The following TANGO6 variants were observed in gnomAD, a reference collection of about 807,000 sequenced individuals.
TANGO6 encodes transport and Golgi organization protein 6 homolog.
Under a neutral mutation model 114.2 loss-of-function variants are expected in TANGO6, and 90 were observed. The observed-to-expected ratio is 0.79, with a 90% CI of 0.66 to 0.94. The LOEUF (loss-of-function observed/expected upper bound fraction) is 0.94, where lower values mean the gene tolerates loss of function less well. Among genes scored for constraint, TANGO6 ranks in the 40% least tolerant of loss-of-function variants. TANGO6 has a pLI of 0.00. For missense variants in TANGO6, 1,274 were observed against 1,315.3 expected (o/e 0.97, Z 0.49); for synonymous variants, 477 against 509.8 (o/e 0.94, Z 0.87).
At chr16:68,875,396 A>C (rs1307778434) in intron 5 of TANGO6, 106 bp downstream of exon 5, 54 of 1,337,564 alleles carry the variant, frequency 4.0e-5, no homozygotes, top group Non-Finnish European at 5.3e-5. Flanking sequence ...TATAATATTT[A>C]AGTTTATTGT....
At chr16:69,065,816 G>C (rs1960206587) in intron 17 of TANGO6, among the ~76,000 whole-genome samples, 1 of 152,240 alleles carries the variant, frequency 6.6e-6, no homozygotes, top group African/African-American at 2.4e-5. Flanking sequence ...GTTTGAATTG[G>C]CCCTAATTTC....
chr16:68,931,343 G>A (rs1172015833), intron 14 of TANGO6, among the ~76,000 whole-genome samples: 1 of 152,160 alleles, frequency 6.6e-6, no homozygotes, highest in Non-Finnish European at 1.5e-5. Context: ...AACCAGTCTG[G>A]CAGTTCCTCG....
rs1192562840 is a variant in TANGO6, at chr16:68,892,072, A to G, written c.1378-8362A>G. The stretch of plus-strand genomic sequence containing the variant: ...CTTTGTTCATTTATTCTTTGATTCA[A>G]TCAGTCACAGAAACATTTATCAGGT... On this transcript the variant is annotated intron_variant, in intron 7 of 17. Transcript: ENST00000261778. 3.3e-5 allele frequency among the ~76,000 whole-genome samples: 5 copies of G among 152,250 alleles called. No homozygotes were observed. In the East Asian group the frequency reaches 5.8e-4, roughly 18 times the overall value.
At chr16:68,956,433 A>G (rs1791717978) in intron 14 of TANGO6, among the ~76,000 whole-genome samples, 2 of 152,174 alleles carry the variant, frequency 1.3e-5, no homozygotes, top group South Asian at 2.1e-4. Context: ...GCCCTCCAAC[A>G]TTAAGCTTAG....
chr16:69,027,144 G>C (rs1959515225), intron 16 of TANGO6, among the ~76,000 whole-genome samples: 1 of 152,320 alleles, frequency 6.6e-6, no homozygotes, highest in Non-Finnish European at 1.5e-5. Flanking sequence ...TTACAGGCAT[G>C]AGCCACCGCG....
At position 69,066,992 on chromosome 16, in the gene TANGO6, G is replaced by A. The variant is rs1159659136; in HGVS notation, c.3109-16493G>A. Among the ~76,000 whole-genome samples, 11 of 152,252 alleles carry A rather than the reference G, an allele frequency of 7.2e-5. No homozygotes were observed. The East Asian group carries it at 1.9e-3, about 27-fold the overall frequency. On this transcript the variant is annotated intron_variant, in intron 17 of 17. Coordinates refer to ENST00000261778, the MANE Select transcript of TANGO6 (RefSeq NM_024562.2). The stretch of plus-strand genomic sequence containing the variant: ...GCTCAGTATAGCCTCAACCACCCAG[G>A]CTCAAGTGATCTTCCCTCCTCAGCT...
chr16:68,871,085 C>G (rs1962260444), intron 4 of TANGO6, among the ~76,000 whole-genome samples: 1 of 151,990 alleles, frequency 6.6e-6, no homozygotes, highest in African/African-American at 2.4e-5. Flanking sequence ...GCCACCGCAC[C>G]CGGCCTGGCA....
chr16:68,947,028 A>AAT (rs1963420713), intron 14 of TANGO6, among the ~76,000 whole-genome samples: 1 of 152,210 alleles, frequency 6.6e-6, no homozygotes, highest in African/African-American at 2.4e-5. Context: ...TCGTTTTTCA[A>AAT]GATTACACAG....
At chr16:68,990,716 A>G (rs1422789056) in intron 15 of TANGO6, among the ~76,000 whole-genome samples, 1 of 152,118 alleles carries the variant, frequency 6.6e-6, no homozygotes, top group East Asian at 1.9e-4. Flanking sequence ...TACCATTCTC[A>G]TTCATCATTG....
Position 68,880,556 on chromosome 16 carries a change from G to T in TANGO6, c.1303G>T (p.Glu435Ter). ...GTGTGTTTATTTTCTAGAGCTTTCA[G>T]AGAGTGACATGGTACCAGGAACTAT... is the stretch of plus-strand genomic sequence containing the variant. ...HRCLNTAELS[E>*]SDMVPGTILV... The change falls in exon 7 of 18, where the codon GAG becomes TAG. Residue 435 changes from glutamate (E) to a stop codon, truncating the protein, a stop_gained. Coordinates refer to ENST00000261778, the MANE Select transcript of TANGO6 (RefSeq NM_024562.2). LOFTEE classifies it high-confidence loss of function. 1 of 1,611,476 alleles carries T rather than the reference G, an allele frequency of 6.2e-7. No individual in the cohort carries two copies. Among genetic ancestry groups the T allele is most frequent in the Non-Finnish European group, 8.5e-7 (1 of 1,178,840 alleles).
intron 17 of TANGO6, among the ~76,000 whole-genome samples, chr16:69,055,923 C>T (rs894577044): frequency 2.6e-5 from 4 of 151,974 alleles, no homozygotes; most frequent in African/African-American, 4.8e-5. Flanking sequence ...TCTGTAATCC[C>T]AGCTACTTGG....
intron 7 of TANGO6, among the ~76,000 whole-genome samples, chr16:68,892,913 C>G (rs1275120978): frequency 4.6e-5 from 7 of 152,214 alleles, no homozygotes; most frequent in Non-Finnish European, 1.5e-5. Flanking sequence ...TCTCCCTTCA[C>G]TTCTTCAGCT....
chr16:69,007,327 T>C (rs577121210), intron 15 of TANGO6, among the ~76,000 whole-genome samples: 1 of 149,544 alleles, frequency 6.7e-6, no homozygotes, highest in South Asian at 2.1e-4. Context: ...TGGAGTGCAG[T>C]GGCACGATCT....
intron 16 of TANGO6, chr16:69,025,838 T>C (rs981691676): frequency 2.7e-5 from 6 of 225,580 alleles, no homozygotes; most frequent in Non-Finnish European, 3.9e-5. Context: ...TTTCTAATTT[T>C]CTATTCTTGG....
intron 15 of TANGO6, among the ~76,000 whole-genome samples, chr16:68,988,049 C>T (rs1567554151): frequency 6.6e-6 from 1 of 152,060 alleles, no homozygotes. Flanking sequence ...GTAGTGGAAC[C>T]TCTCTTGACC....
intron 1 of TANGO6, 108 bp downstream of exon 1, chr16:68,843,819 G>C (rs1838330049): frequency 9.6e-7 from 1 of 1,045,862 alleles, no homozygotes. Context: ...CCCGCCTCGG[G>C]ACCCTCCGCC....
At chr16:68,928,505 TTAGC>T (rs776624322) in intron 13 of TANGO6, among the ~76,000 whole-genome samples, 2 of 151,950 alleles carry the variant, frequency 1.3e-5, no homozygotes, top group African/African-American at 2.4e-5. Flanking sequence ...GGGCACCATG[TTAGC>T]CAGGATGGTC....
At chr16:68,903,840 C>T (rs963428904) in intron 9 of TANGO6, among the ~76,000 whole-genome samples, 4 of 151,124 alleles carry the variant, frequency 2.6e-5, no homozygotes, top group Non-Finnish European at 5.9e-5. Flanking sequence ...GACTGTCACT[C>T]GAACCCAGGA....
At chr16:68,876,059 A>G (rs1962351729) in intron 5 of TANGO6, among the ~76,000 whole-genome samples, 1 of 152,210 alleles carries the variant, frequency 6.6e-6, no homozygotes, top group Non-Finnish European at 1.5e-5. Context: ...TCTGTGTATT[A>G]TGCATATACC....
Sources: allele counts gnomAD v4.1 joint callset (sites outside exome capture counted in the v4.1 genomes callset), GRCh38; gene constraint gnomAD v4.1.1; transcripts MANE v1.5; gene names NCBI Gene and HGNC (gene_info 2026-07-23, HGNC 2026-07-21).